Variants in CLDN1 observed in about 807,000 individuals in gnomAD.
CLDN1 encodes claudin 1.
CLDN1 carries 12 observed loss-of-function variants against 22.6 expected under a neutral mutation model. The observed-to-expected ratio is 0.53, with a 90% CI of 0.34 to 0.86. The LOEUF (loss-of-function observed/expected upper bound fraction) is 0.86. Among genes scored for constraint, CLDN1 ranks in the 40% least tolerant of loss-of-function variants. CLDN1 has a pLI of 0.02. For synonymous variants in CLDN1, 99 were observed against 103.8 expected (o/e 0.95, Z 0.28); for missense variants, 250 against 269.5 (o/e 0.93, Z 0.51).
At chr3:190,321,009 C>T (rs1716902676) in intron 1 of CLDN1, among the ~76,000 whole-genome samples, 1 of 152,084 alleles carries the variant, frequency 6.6e-6, no homozygotes, top group African/African-American at 2.4e-5. Flanking sequence ...TCCCACCATC[C>T]TTAGAAATAT....
At chr3:190,318,054 A>G (rs149205521) in intron 1 of CLDN1, among the ~76,000 whole-genome samples, 287 of 152,296 alleles carry the variant, frequency 1.9e-3, no homozygotes, top group African/African-American at 6.7e-3. Flanking sequence ...TTTTCTCCAT[A>G]TTAAATCTTT....
At chr3:190,315,017 A>G (rs186334465) in intron 1 of CLDN1, among the ~76,000 whole-genome samples, 1 of 152,298 alleles carries the variant, frequency 6.6e-6, no homozygotes, top group African/African-American at 2.4e-5. Context: ...CACAAGCCAT[A>G]CTGTGGTATG....
rs570196629 is a variant in CLDN1 at position 190,322,396 on chromosome 3, G to A, written c.-190C>T. ...TGGGGTCCGCGCCCGGGGCGGCGCT[G>A]GAGTCTGGATACTAGAAGCTGCGGT... On this transcript the variant is annotated 5_prime_UTR_variant, in exon 1 of 4. Transcript: ENST00000295522. 2 of 629,386 alleles carry A rather than the reference G, an allele frequency of 3.2e-6. No homozygotes were observed. Among genetic ancestry groups the A allele is most frequent in the East Asian group, 5.5e-5 (2 of 36,586 alleles). 39.0% of individuals were successfully genotyped at this position (629,386 alleles called of 1,614,324 possible).
intron 3 of CLDN1, among the ~76,000 whole-genome samples, chr3:190,309,005 G>A (rs566634218): frequency 6.2e-4 from 94 of 152,222 alleles, no homozygotes; most frequent in South Asian, 4.1e-3. Context: ...CTTAGGGTGG[G>A]GTATCTGTGA....
At chr3:190,310,435 A>AT in intron 2 of CLDN1, among the ~76,000 whole-genome samples, 182 bp from the exon 3 acceptor site, 1 of 152,340 alleles carries the variant, frequency 6.6e-6, no homozygotes, top group East Asian at 1.9e-4. Context: ...CTATTAAAAT[A>AT]TAAAAAAATA....
chr3:190,305,976 C>T lies in CLDN1; in HGVS notation c.*2301G>A, dbSNP rs1459684850. The T allele has an allele frequency of 1.3e-5, 2 of 152,224 alleles. No homozygotes were observed. The highest frequency in any genetic ancestry group is 2.9e-5 in the Non-Finnish European group (2 of 68,044). The allele number at this position is 152,224 out of a possible 1,614,324, so 9.4% of individuals were successfully genotyped here. On this transcript the variant is annotated 3_prime_UTR_variant, in exon 4 of 4. Coordinates refer to ENST00000295522, the MANE Select transcript of CLDN1 (RefSeq NM_021101.5). The stretch of plus-strand genomic sequence containing the variant: ...GTGGCAAAAGCCATTTAAATTTTAA[C>T]TTCCAAAAGCATATATTCTCAGGTT...
At chr3:190,321,524 A>C (rs1716921012) in intron 1 of CLDN1, among the ~76,000 whole-genome samples, 1 of 152,260 alleles carries the variant, frequency 6.6e-6, no homozygotes, top group Non-Finnish European at 1.5e-5. Context: ...AAGGTTAAAA[A>C]GTTATATCTA....
intron 2 of CLDN1, among the ~76,000 whole-genome samples, chr3:190,310,808 A>G (rs1716595387): frequency 6.6e-6 from 1 of 152,210 alleles, no homozygotes; most frequent in African/African-American, 2.4e-5. Context: ...ATATAGGTAT[A>G]GGTTGGCCTG....
intron 1 of CLDN1, chr3:190,313,316 C>A (rs539508471): frequency 6.2e-5 from 27 of 435,224 alleles, no homozygotes; most frequent in African/African-American, 4.8e-4. Context: ...AATTAATGAT[C>A]TAATTGAATA....
chr3:190,311,609 A>T lies in CLDN1; in HGVS notation c.388+1263T>A, dbSNP rs952844215. On this transcript the variant is annotated intron_variant, in intron 2 of 3. Transcript: ENST00000295522. Reference sequence around the variant, plus strand: ...CATTAATTATATCTGTTATTTTTTTAAAATAATATACTATAATATACTACA... The same window carrying T: ...CATTAATTATATCTGTTATTTTTTTTAAATAATATACTATAATATACTACA... 2.5e-4 allele frequency among the ~76,000 whole-genome samples: 38 copies of T among 151,112 alleles called. No homozygotes were observed. The South Asian group carries it at 4.0e-3, about 16-fold the overall frequency.
intron 2 of CLDN1, among the ~76,000 whole-genome samples, chr3:190,311,538 A>G (rs1716617837): frequency 6.6e-6 from 1 of 152,102 alleles, no homozygotes; most frequent in South Asian, 2.1e-4. Flanking sequence ...AAAGAAAATA[A>G]GAAAATAAAG....
In CLDN1 at chr3:190,308,006, C is replaced by T. The variant is rs910431961; in HGVS notation, c.*271G>A. 7.7e-6 allele frequency: 3 copies of T among 389,856 alleles called. No individual in the cohort carries two copies. Among genetic ancestry groups the T allele is most frequent in the African/African-American group, 4.1e-5 (2 of 48,656 alleles). 24.1% of individuals were successfully genotyped at this position (389,856 alleles called of 1,614,324 possible). On this transcript the variant is annotated 3_prime_UTR_variant, in exon 4 of 4. Transcript: ENST00000295522. The stretch of plus-strand genomic sequence containing the variant: ...TATCTATATATATTTAAGGAGCACC[C>T]CTTCCCCCAGTTGAGTATGATTACT...
intron 1 of CLDN1, among the ~76,000 whole-genome samples, chr3:190,316,974 A>G (rs868654082): frequency 1.4e-4 from 21 of 152,216 alleles, no homozygotes; most frequent in African/African-American, 4.6e-4. Flanking sequence ...ATTTTGATCT[A>G]TTTTTTAAAG....
At chr3:190,317,749 T>A (rs1322449404) in intron 1 of CLDN1, among the ~76,000 whole-genome samples, 2 of 152,230 alleles carry the variant, frequency 1.3e-5, no homozygotes, top group Admixed American at 6.5e-5. Flanking sequence ...GGAAGCCTTG[T>A]ATACAGAAAG....
intron 1 of CLDN1, among the ~76,000 whole-genome samples, chr3:190,315,772 A>G (rs565252070): frequency 2.6e-5 from 4 of 152,296 alleles, no homozygotes; most frequent in South Asian, 4.1e-4. Flanking sequence ...TTCTTCAAGT[A>G]AAAACAGAAG....
chr3:190,313,139 C>A, intron 1 of CLDN1, 103 bp from the exon 2 acceptor site: 1 of 1,358,344 alleles, frequency 7.4e-7, no homozygotes. Context: ...AGAGAGAAAA[C>A]TGGACTAGGA....
intron 2 of CLDN1, among the ~76,000 whole-genome samples, chr3:190,312,056 G>A (rs529771690): frequency 6.6e-6 from 1 of 151,634 alleles, no homozygotes; most frequent in Non-Finnish European, 1.5e-5. Flanking sequence ...TCAGCCTCTG[G>A]AGTATATGGG....
chr3:190,319,999 T>C (rs933938659), intron 1 of CLDN1, among the ~76,000 whole-genome samples: 4 of 152,196 alleles, frequency 2.6e-5, no homozygotes, highest in Non-Finnish European at 5.9e-5. Flanking sequence ...GGATAAACTA[T>C]GGCTTTAAGT....
chr3:190,311,759 TAC>T (rs1242265437), intron 2 of CLDN1, among the ~76,000 whole-genome samples: 1 of 151,510 alleles, frequency 6.6e-6, no homozygotes, highest in Non-Finnish European at 1.5e-5. Context: ...GATATATATA[TAC>T]ACACAGAGAG....
Sources: allele counts gnomAD v4.1 joint callset (sites outside exome capture counted in the v4.1 genomes callset), GRCh38; gene constraint gnomAD v4.1.1; transcripts MANE v1.5; gene names NCBI Gene and HGNC (gene_info 2026-07-23, HGNC 2026-07-21).